The following RNF6 variants were observed in gnomAD, a reference collection of about 807,000 sequenced individuals.
RNF6 encodes the protein ring finger protein 6.
A neutral mutation model predicts 50.1 loss-of-function variants in RNF6; 21 were observed. That is an observed-to-expected ratio of 0.42 (90% CI 0.30 to 0.60). The LOEUF is 0.60. Among genes scored for constraint, RNF6 ranks in the 20% least tolerant of loss-of-function variants. RNF6 has a pLI of 0.20. For synonymous variants in RNF6, 255 were observed against 291.8 expected (o/e 0.87, Z 1.29); for missense variants, 698 against 838.2 (o/e 0.83, Z 2.07).
chr13:26,218,178 T>C (rs753457760), intron 4 of RNF6, among the ~76,000 whole-genome samples: 4 of 152,244 alleles, frequency 2.6e-5, no homozygotes, highest in African/African-American at 4.8e-5. Context: ...CGGTTCTGTA[T>C]ATAAATTTTT....
chr13:26,149,033 T>C (rs1307186322), intron 5 of RNF6: 1 of 152,062 alleles, frequency 6.6e-6, no homozygotes. Flanking sequence ...GTCTTCTTTA[T>C]TCAGTCTACC....
intron 5 of RNF6, among the ~76,000 whole-genome samples, chr13:26,186,186 T>C (rs749134635): frequency 6.6e-6 from 1 of 152,196 alleles, no homozygotes; most frequent in Non-Finnish European, 1.5e-5. Flanking sequence ...AGAGTCATGA[T>C]ACACACAACG....
chr13:26,194,442 A>G (rs1171129094), intron 5 of RNF6, among the ~76,000 whole-genome samples: 3 of 152,216 alleles, frequency 2.0e-5, no homozygotes, highest in Non-Finnish European at 4.4e-5. Flanking sequence ...TAAAAGACTA[A>G]TACCTAATAA....
At chr13:26,180,364 T>C (rs1339495337) in intron 5 of RNF6, among the ~76,000 whole-genome samples, 1 of 152,068 alleles carries the variant, frequency 6.6e-6, no homozygotes, top group African/African-American at 2.4e-5. Context: ...GCCTTTCCAG[T>C]TTAGAGGGTC....
In RNF6 at chr13:26,222,027, C is replaced by T. The variant is rs192102855; in HGVS notation, c.-126G>A. On this transcript the variant is annotated 5_prime_UTR_variant, in exon 1 of 5. Coordinates refer to ENST00000381588, the MANE Select transcript of RNF6 (RefSeq NM_005977.4). The stretch of plus-strand genomic sequence containing the variant: ...CCTCTCCAGGTCTTGGGCCTTCGCC[C>T]TCCTGTCCGGAGAACGTGTGCTGTG... 10 of 152,446 alleles carry T rather than the reference C, an allele frequency of 6.6e-5. No individual in the cohort carries two copies. Among genetic ancestry groups the T allele is most frequent in the African/African-American group, 2.4e-4 (10 of 41,600 alleles). 9.4% of individuals were successfully genotyped at this position (152,446 alleles called of 1,614,324 possible). A position where few individuals can be genotyped will look rare whatever the true frequency, so the allele number is the denominator to read the frequency against.
chr13:26,164,523 T>C (rs1872356575), intron 5 of RNF6, among the ~76,000 whole-genome samples: 1 of 152,214 alleles, frequency 6.6e-6, no homozygotes, highest in African/African-American at 2.4e-5. Context: ...ATTTGTTCCT[T>C]TTCCAAATCT....
chr13:26,150,048 GTATA>G (rs71813042), intron 5 of RNF6, among the ~76,000 whole-genome samples: 5 of 84,108 alleles, frequency 5.9e-5, no homozygotes, highest in African/African-American at 2.6e-4. Flanking sequence ...TATATAATGT[GTATA>G]TATATATATA....
intron 5 of RNF6, among the ~76,000 whole-genome samples, chr13:26,201,750 T>C (rs965020092): frequency 5.3e-5 from 8 of 152,216 alleles, no homozygotes; most frequent in Non-Finnish European, 1.2e-4. Context: ...ATGATTTTGC[T>C]CAAGAGTAGC....
At chr13:26,171,321 C>T (rs1030449816) in intron 5 of RNF6, among the ~76,000 whole-genome samples, 4 of 152,008 alleles carry the variant, frequency 2.6e-5, no homozygotes, top group East Asian at 1.9e-4. Context: ...ATTAGGGAAG[C>T]GCAAATCAAA....
intron 5 of RNF6, among the ~76,000 whole-genome samples, chr13:26,184,052 A>T: frequency 9.2e-6 from 1 of 108,966 alleles, no homozygotes. Context: ...TTTGAGACAG[A>T]GTCTCGCTCT....
chr13:26,144,717 C>T (rs1447573038), intron 5 of RNF6: 1 of 152,242 alleles, frequency 6.6e-6, no homozygotes, highest in African/African-American at 2.4e-5. Flanking sequence ...ACTGTCTTCT[C>T]TTCTTCTCTG....
chr13:26,186,475 C>A (rs1305398357), intron 5 of RNF6, among the ~76,000 whole-genome samples: 4 of 152,344 alleles, frequency 2.6e-5, no homozygotes, highest in African/African-American at 9.6e-5. Flanking sequence ...GCCAGTCGCG[C>A]TACCGACTGG....
chr13:26,214,023 T>C lies in RNF6; in HGVS notation c.1859A>G (p.Glu620Gly), dbSNP rs1230446654. ...TAGTTCACTATCAATACTGTTATGCTCATAGTGCCTGGTGGAAAGATTGTC... is the reference window on the plus strand; with the variant it reads ...TAGTTCACTATCAATACTGTTATGCCCATAGTGCCTGGTGGAAAGATTGTC... ...QIDNLSTRHY[E>G]HNSIDSELGK... is the part of the protein sequence containing the mutation. The change falls in exon 5 of 5, where the codon GAG becomes GGG. Residue 620 changes from glutamate to glycine, a missense_variant. Coordinates refer to ENST00000381588, the MANE Select transcript of RNF6 (RefSeq NM_005977.4). 2 of 1,614,102 alleles carry C rather than the reference T, an allele frequency of 1.2e-6. No homozygotes were observed. Among genetic ancestry groups the C allele is most frequent in the Non-Finnish European group, 1.7e-6 (2 of 1,180,036 alleles).
intron 5 of RNF6, among the ~76,000 whole-genome samples, chr13:26,158,299 G>A (rs1013497987): frequency 1.1e-4 from 17 of 152,118 alleles, no homozygotes; most frequent in South Asian, 2.1e-4. Context: ...TGGGTCAGAC[G>A]TCTATTCCTC....
chr13:26,210,037 TACTC>T (rs1869259622), downstream of RNF6, among the ~76,000 whole-genome samples: 1 of 152,134 alleles, frequency 6.6e-6, no homozygotes, highest in East Asian at 1.9e-4. Flanking sequence ...AACACACTCA[TACTC>T]ACTGAAAATA....
intron 5 of RNF6, among the ~76,000 whole-genome samples, chr13:26,148,929 G>A (rs1871409685): frequency 6.6e-6 from 1 of 151,616 alleles, no homozygotes; most frequent in Non-Finnish European, 1.5e-5. Context: ...CAGCATGCAG[G>A]AGGAATTCTC....
At chr13:26,202,555 A>C (rs1318652725) in intron 5 of RNF6, among the ~76,000 whole-genome samples, 2 of 152,236 alleles carry the variant, frequency 1.3e-5, no homozygotes, top group Non-Finnish European at 2.9e-5. Context: ...GTTAAAGCTC[A>C]GAGAGGAAAT....
At chr13:26,200,579 T>C (rs1400975603) in intron 5 of RNF6, among the ~76,000 whole-genome samples, 2 of 152,164 alleles carry the variant, frequency 1.3e-5, no homozygotes, top group African/African-American at 4.8e-5. Context: ...TAATTTTTTG[T>C]ATTTTTAGTA....
chr13:26,158,193 C>A (rs966244078), intron 5 of RNF6, among the ~76,000 whole-genome samples: 1 of 152,114 alleles, frequency 6.6e-6, no homozygotes, highest in African/African-American at 2.4e-5. Context: ...TCTGCAACAC[C>A]TCCATAAGAT....
Sources: allele counts gnomAD v4.1 joint callset (sites outside exome capture counted in the v4.1 genomes callset), GRCh38; gene constraint gnomAD v4.1.1; transcripts MANE v1.5; gene names NCBI Gene and HGNC (gene_info 2026-07-23, HGNC 2026-07-21).